CSRNP3: variants seen among roughly 807,000 people sequenced by gnomAD.
CSRNP3 encodes cysteine/serine-rich nuclear protein 3.
In CSRNP3, 12 loss-of-function variants were observed where a neutral mutation model predicts 48.0. The ratio of observed to expected loss-of-function variants is 0.25; its 90% CI spans 0.16 to 0.41. CSRNP3 has a LOEUF of 0.41. Among genes scored for constraint, CSRNP3 ranks in the 10% least tolerant of loss-of-function variants. The pLI, the probability that CSRNP3 is intolerant of heterozygous loss-of-function variation, is 1.00. For synonymous variants in CSRNP3, 263 were observed against 269.7 expected (o/e 0.98, Z 0.24); for missense variants, 580 against 724.4 (o/e 0.80, Z 2.29).
chr2:165,595,996 T>A (rs922665488), intron 4 of CSRNP3, among the ~76,000 whole-genome samples: 2 of 152,172 alleles, frequency 1.3e-5, no homozygotes, highest in African/African-American at 4.8e-5. Flanking sequence ...TTTTTTTGTA[T>A]TTTTAGTATA....
chr2:165,587,604 A>C (rs188785029), intron 3 of CSRNP3, among the ~76,000 whole-genome samples: 55 of 152,350 alleles, frequency 3.6e-4, no homozygotes, highest in African/African-American at 1.2e-3. Flanking sequence ...GCTCCAGAGA[A>C]GGAATTTTTA....
At chr2:165,609,476 A>AAG (rs1197150337) in intron 4 of CSRNP3, among the ~76,000 whole-genome samples, 1 of 150,520 alleles carries the variant, frequency 6.6e-6, no homozygotes, top group Non-Finnish European at 1.5e-5. Flanking sequence ...AAAAAAAAAA[A>AAG]AAAAAAAAAA....
At chr2:165,600,419 C>A (rs1340692612) in intron 4 of CSRNP3, among the ~76,000 whole-genome samples, 6 of 152,140 alleles carry the variant, frequency 3.9e-5, no homozygotes, top group Admixed American at 3.9e-4. Context: ...TTTATAGCAG[C>A]ATGATTTATA....
chr2:165,600,841 A>G (rs144772208), intron 4 of CSRNP3, among the ~76,000 whole-genome samples: 86 of 152,320 alleles, frequency 5.6e-4, no homozygotes, highest in African/African-American at 2.0e-3. Flanking sequence ...CCAGTGTTTT[A>G]TAAGCACTAA....
intron 3 of CSRNP3, among the ~76,000 whole-genome samples, chr2:165,523,901 G>A (rs1254353318): frequency 1.3e-5 from 2 of 152,116 alleles, no homozygotes; most frequent in East Asian, 1.9e-4. Context: ...GGTTCTTCTT[G>A]TTCTTCCTAA....
chr2:165,549,697 G>T (rs1257969628), intron 3 of CSRNP3, among the ~76,000 whole-genome samples: 2 of 152,102 alleles, frequency 1.3e-5, no homozygotes, highest in African/African-American at 4.8e-5. Context: ...AATGTAGCAT[G>T]GCAAGGAGAT....
At chr2:165,641,264 G>A (rs772890988) in intron 4 of CSRNP3, among the ~76,000 whole-genome samples, 14 of 152,156 alleles carry the variant, frequency 9.2e-5, no homozygotes, top group Non-Finnish European at 1.9e-4. Context: ...GGGCACCCCT[G>A]CATTGTCAGT....
Position 165,688,793 on chromosome 2 carries a change from T to C in CSRNP3, c.*9040T>C, listed in dbSNP as rs569372986. Reference sequence around the variant, plus strand: ...TGTTCTCTTATTTTTTGTTTGTTTGTTGCTGGCAAAAAAAAAAGTAACTTT... The same window carrying C: ...TGTTCTCTTATTTTTTGTTTGTTTGCTGCTGGCAAAAAAAAAAGTAACTTT... On this transcript the variant is annotated 3_prime_UTR_variant, in exon 7 of 7. Transcript: ENST00000651982. 1 of 151,382 alleles carries C rather than the reference T, an allele frequency of 6.6e-6. No individual in the cohort carries two copies. The highest frequency in any genetic ancestry group is 2.1e-4 in the South Asian group (1 of 4,820). 9.4% of individuals were successfully genotyped at this position (151,382 alleles called of 1,614,324 possible).
chr2:165,480,774 TTATA>T, intron 1 of CSRNP3, among the ~76,000 whole-genome samples: 1 of 119,872 alleles, frequency 8.3e-6, no homozygotes, highest in Non-Finnish European at 1.8e-5. Flanking sequence ...ATATAAAATT[TTATA>T]TATTATATAT....
intron 3 of CSRNP3, among the ~76,000 whole-genome samples, chr2:165,520,780 ATAT>A (rs1266139334): frequency 7.9e-3 from 74 of 9,352 alleles, no homozygotes; most frequent in African/African-American, 0.072. Flanking sequence ...TTATATATAT[ATAT>A]TATATATATA....
At chr2:165,519,528 T>A (rs1400918940) in intron 3 of CSRNP3, among the ~76,000 whole-genome samples, 1 of 152,208 alleles carries the variant, frequency 6.6e-6, no homozygotes, top group Non-Finnish European at 1.5e-5. Flanking sequence ...AAGAAGTTAA[T>A]GCAAGTAAAG....
chr2:165,494,156 A>G (rs1342915604), intron 1 of CSRNP3, among the ~76,000 whole-genome samples: 5 of 152,114 alleles, frequency 3.3e-5, no homozygotes, highest in Admixed American at 1.3e-4. Flanking sequence ...TATTCAGCCA[A>G]TCTCCTTGAC....
chr2:165,651,099 G>C (rs1686894960), intron 4 of CSRNP3, among the ~76,000 whole-genome samples: 1 of 152,192 alleles, frequency 6.6e-6, no homozygotes, highest in South Asian at 2.1e-4. Context: ...TTGTTGCCCT[G>C]TGGTGGAATT....
intron 2 of CSRNP3, among the ~76,000 whole-genome samples, chr2:165,510,667 A>T (rs1684489332): frequency 6.6e-6 from 1 of 152,176 alleles, no homozygotes; most frequent in Non-Finnish European, 1.5e-5. Flanking sequence ...AAGCCCAGAG[A>T]GGGTAGAAGC....
At chr2:165,493,980 C>T (rs1301431381) in intron 1 of CSRNP3, among the ~76,000 whole-genome samples, 1 of 152,060 alleles carries the variant, frequency 6.6e-6, no homozygotes, top group Non-Finnish European at 1.5e-5. Context: ...TTACTACTCT[C>T]AGGTTTAGTG....
At chr2:165,540,717 T>G (rs978583004) in intron 3 of CSRNP3, among the ~76,000 whole-genome samples, 1 of 152,052 alleles carries the variant, frequency 6.6e-6, no homozygotes, top group African/African-American at 2.4e-5. Flanking sequence ...TCTGGTTACA[T>G]TCTGAATTAC....
At chr2:165,507,174 T>C (rs1030629911) in intron 2 of CSRNP3, among the ~76,000 whole-genome samples, 2 of 152,154 alleles carry the variant, frequency 1.3e-5, no homozygotes, top group African/African-American at 4.8e-5. Flanking sequence ...AAAGAACTAA[T>C]ATATTGAGGA....
At chr2:165,542,690 C>T (rs1218397874) in intron 3 of CSRNP3, among the ~76,000 whole-genome samples, 1 of 152,050 alleles carries the variant, frequency 6.6e-6, no homozygotes, top group Non-Finnish European at 1.5e-5. Context: ...TCTTTAAATA[C>T]ATGTATGATT....
At chr2:165,497,191 A>G (rs2105462408) in intron 2 of CSRNP3, among the ~76,000 whole-genome samples, 1 of 152,224 alleles carries the variant, frequency 6.6e-6, no homozygotes, top group East Asian at 1.9e-4. Flanking sequence ...GAGAAAACAC[A>G]TACATATCCA....
Sources: gnomAD v4.1 joint callset for allele counts (sites outside exome capture counted in the v4.1 genomes callset) on GRCh38, gnomAD v4.1.1 for gene constraint, MANE v1.5 for transcripts, NCBI Gene and HGNC (gene_info 2026-07-23, HGNC 2026-07-21) for gene names.